The following C10orf90 variants were observed in gnomAD, a reference collection of about 807,000 sequenced individuals.
C10orf90 encodes (E2-independent) E3 ubiquitin-conjugating enzyme FATS.
In C10orf90, 56 loss-of-function variants were observed where a neutral mutation model predicts 62.5. The observed-to-expected ratio is 0.90, with a 90% CI of 0.72 to 1.12. The LOEUF (loss-of-function observed/expected upper bound fraction) is 1.12, where lower values mean the gene tolerates loss of function less well. Among genes scored for constraint, C10orf90 ranks in the 50% most tolerant of loss-of-function variants. C10orf90 has a pLI of 0.00. For missense variants in C10orf90, 970 were observed against 880.4 expected (o/e 1.10, Z -1.29); for synonymous variants, 386 against 340.4 (o/e 1.13, Z -1.47).
rs752149268 is a variant in C10orf90, at chr10:126,505,032, C to G, written c.459G>C (p.Gln153His). ...CTCTTGACTTATTCTCATCAATCAT[C>G]TGGGAGATGACTATGGATGAAATCA... Reference protein sequence around the residue: ...TKMISSIVISQMIDENKSREN... With the variant: ...TKMISSIVISHMIDENKSREN... The change falls in exon 4 of 10, where the codon CAG (glutamine) becomes CAC (histidine). Residue 153 changes from glutamine (Q) to histidine (H), a missense_variant. By Grantham distance (24) the Gln-to-His change is conservative (BLOSUM62 0). Coordinates refer to ENST00000488181, the MANE Select transcript of C10orf90 (RefSeq NM_001350921.2). 20 of 1,613,904 alleles carry G rather than the reference C, an allele frequency of 1.2e-5. 2 individuals are homozygous for G. The East Asian group carries it at 4.5e-4, about 36-fold the overall frequency.
chr10:126,634,429 A>C (rs1043531734), intron 2 of C10orf90, among the ~76,000 whole-genome samples: 6 of 152,228 alleles, frequency 3.9e-5, no homozygotes, highest in Admixed American at 6.5e-5. Flanking sequence ...GAATTCATAG[A>C]GTCAAAAAAC....
intron 2 of C10orf90, among the ~76,000 whole-genome samples, chr10:126,638,413 T>C (rs145761770): frequency 2.0e-5 from 3 of 152,282 alleles, no homozygotes; most frequent in East Asian, 1.9e-4. Flanking sequence ...TCTTGCCTGG[T>C]TGGTGTCCAC....
chr10:126,616,046 G>A (rs1439622429), intron 2 of C10orf90, among the ~76,000 whole-genome samples: 1 of 152,208 alleles, frequency 6.6e-6, no homozygotes, highest in Non-Finnish European at 1.5e-5. Flanking sequence ...ACTGCCTTGA[G>A]GCACAAATGC....
At chr10:126,580,293 C>A (rs1174400030) in intron 2 of C10orf90, among the ~76,000 whole-genome samples, 1 of 152,200 alleles carries the variant, frequency 6.6e-6, no homozygotes, top group Non-Finnish European at 1.5e-5. Context: ...AGATCTTGAT[C>A]TTTTCTAACA....
intron 8 of C10orf90, 134 bp downstream of exon 8, chr10:126,429,653 G>T (rs766839167): frequency 1.5e-6 from 1 of 680,820 alleles, no homozygotes; most frequent in Non-Finnish European, 2.6e-6. Context: ...CGTTTTTTCA[G>T]ATTTGCAGCC....
chr10:126,477,076 A>ATTTTTTTTTTTTTTTTTT lies in C10orf90; in HGVS notation c.1535-12108_1535-12091dup, dbSNP rs551973906. On this transcript the variant is annotated intron_variant, in intron 4 of 9. Transcript: ENST00000488181. Reference sequence around the variant, plus strand: ...AGGTGCCCAACATCACGCCTGGCTAATTTTTTTTTTTTTTTTTTTTTTTTT... The same window carrying ATTTTTTTTTTTTTTTTTT: ...AGGTGCCCAACATCACGCCTGGCTAATTTTTTTTTTTTTTTTTTTTTTTTTTTTTTTTTTTTTTTTTTT... 8.9e-5 allele frequency among the ~76,000 whole-genome samples: 5 copies of ATTTTTTTTTTTTTTTTTT among 56,484 alleles called. 1 individual carries two copies. The highest frequency in any genetic ancestry group is 3.1e-4 in the Admixed American group (1 of 3,238). The allele number at this position is 56,484 out of a possible 152,430, so 37.1% of individuals were successfully genotyped here.
intron 1 of C10orf90, among the ~76,000 whole-genome samples, chr10:126,668,766 T>G (rs955336885): frequency 1.3e-5 from 2 of 152,154 alleles, no homozygotes; most frequent in East Asian, 1.9e-4. Flanking sequence ...GATCTGGCAT[T>G]CATTTTAACA....
intron 4 of C10orf90, chr10:126,470,147 T>C (rs1462065675): frequency 7.2e-6 from 3 of 418,816 alleles, no homozygotes; most frequent in East Asian, 1.4e-4. Context: ...GGCATTCTTC[T>C]GTAGGTTGCA....
chr10:126,440,927 T>G (rs1200749750), intron 7 of C10orf90, among the ~76,000 whole-genome samples: 1 of 152,152 alleles, frequency 6.6e-6, no homozygotes, highest in East Asian at 1.9e-4. Flanking sequence ...TGACAGAGCC[T>G]ACCCACATGA....
Position 126,461,593 on chromosome 10 carries a change from A to G in C10orf90, c.1826-8T>C. ...CACAGCATGTGTAATCTCCTAGGAG[A>G]GAAGATTTAGAATCCCATTTAGAGG... On this transcript the variant is annotated splice_region_variant and splice_polypyrimidine_tract_variant and intron_variant, in intron 5 of 9. Coordinates refer to ENST00000488181, the MANE Select transcript of C10orf90 (RefSeq NM_001350921.2). 1 of 1,609,586 alleles carries G rather than the reference A, an allele frequency of 6.2e-7. No individual in the cohort carries two copies. The highest frequency in any genetic ancestry group is 8.5e-7 in the Non-Finnish European group (1 of 1,178,778).
intron 2 of C10orf90, among the ~76,000 whole-genome samples, chr10:126,620,486 T>C (rs1186618215): frequency 3.9e-5 from 6 of 152,328 alleles, no homozygotes; most frequent in Non-Finnish European, 7.3e-5. Context: ...TTATCAATTG[T>C]CACTCATGTG....
intron 2 of C10orf90, among the ~76,000 whole-genome samples, chr10:126,532,816 C>CTGGGCAACA (rs1438625233): frequency 3.3e-5 from 1 of 30,128 alleles, no homozygotes; most frequent in Non-Finnish European, 5.9e-5. Context: ...CAGCTCCAGT[C>CTGGGCAACA]TGGGCAACAG....
At chr10:126,536,262 A>AGCATCT (rs1258727610) in intron 2 of C10orf90, among the ~76,000 whole-genome samples, 1 of 152,196 alleles carries the variant, frequency 6.6e-6, no homozygotes, top group Admixed American at 6.5e-5. Context: ...GGATGGTGGT[A>AGCATCT]GCAGGTCGCG....
intron 7 of C10orf90, among the ~76,000 whole-genome samples, chr10:126,430,238 C>T (rs893243349): frequency 1.5e-4 from 23 of 152,190 alleles, no homozygotes; most frequent in Admixed American, 2.0e-4. Flanking sequence ...GGAAATCCCC[C>T]ACCTATCCCT....
chr10:126,461,574 A>G lies in C10orf90; in HGVS notation c.1837T>C (p.Cys613Arg), dbSNP rs1277793804. 3.1e-6 allele frequency: 5 copies of G among 1,612,854 alleles called. No homozygotes were observed. Among genetic ancestry groups the G allele is most frequent in the Admixed American group, 1.7e-5 (1 of 59,910 alleles). The change falls in exon 6 of 10, where the codon TGC becomes CGC. Residue 613 changes from cysteine (C) to arginine (R), a missense_variant. Coordinates refer to ENST00000488181, the MANE Select transcript of C10orf90 (RefSeq NM_001350921.2). The stretch of plus-strand genomic sequence containing the variant: ...TTTATTTTTACAACCAAGTCACAGC[A>G]TGTGTAATCTCCTAGGAGAGAAGAT... ...ESKFPKGDYT[C>R]CDLVVKIKEC...
chr10:126,614,467 T>C (rs1845500167), intron 2 of C10orf90, among the ~76,000 whole-genome samples: 1 of 152,126 alleles, frequency 6.6e-6, no homozygotes, highest in Non-Finnish European at 1.5e-5. Context: ...GCAACATGTA[T>C]CACCTTCTGC....
intron 2 of C10orf90, among the ~76,000 whole-genome samples, chr10:126,531,285 A>G (rs1471489467): frequency 6.6e-6 from 1 of 152,172 alleles, no homozygotes; most frequent in Non-Finnish European, 1.5e-5. Context: ...ACATTTGGCA[A>G]TGTCTGGAGA....
rs751895740 is a variant in C10orf90 at position 126,472,956 on chromosome 10, GT to G, written c.1535-7971del. The stretch of plus-strand genomic sequence containing the variant: ...GCATTCCAGGGAAGGAGGAAACAAA[GT>G]TTTTTTGTGGGTTTCTCCTGCTCCC... On this transcript the variant is annotated intron_variant, in intron 4 of 9. Coordinates refer to ENST00000488181, the MANE Select transcript of C10orf90 (RefSeq NM_001350921.2). Among the ~76,000 whole-genome samples the G allele has an allele frequency of 5.3e-5, 8 of 152,236 alleles. No homozygotes were observed. The East Asian group carries it at 9.6e-4, about 18-fold the overall frequency.
intron 5 of C10orf90, among the ~76,000 whole-genome samples, chr10:126,464,479 T>C (rs890523166): frequency 2.0e-5 from 3 of 152,150 alleles, no homozygotes; most frequent in South Asian, 2.1e-4. Flanking sequence ...TTGCCCACAG[T>C]GGTCTTGAAA....
Sources: allele counts gnomAD v4.1 joint callset (sites outside exome capture counted in the v4.1 genomes callset), GRCh38; gene constraint gnomAD v4.1.1; transcripts MANE v1.5; gene names NCBI Gene and HGNC (gene_info 2026-07-23, HGNC 2026-07-21).